The following CCDC88A variants were observed in gnomAD, a reference collection of about 807,000 sequenced individuals.
CCDC88A encodes girdin.
A neutral mutation model predicts 234.3 loss-of-function variants in CCDC88A; 54 were observed. The ratio of observed to expected loss-of-function variants is 0.23; its 90% CI spans 0.19 to 0.29. CCDC88A has a LOEUF of 0.29. Among genes scored for constraint, CCDC88A ranks in the 10% least tolerant of loss-of-function variants. The probability of loss-of-function intolerance (pLI) is 1.00; values close to 1 mark genes in which losing one functional copy is unlikely to be tolerated. For missense variants in CCDC88A, 1,832 were observed against 2,123.4 expected (o/e 0.86, Z 2.70); for synonymous variants, 753 against 737.8 (o/e 1.02, Z -0.33).
At chr2:55,396,845 G>C (rs1382293503) in intron 2 of CCDC88A, among the ~76,000 whole-genome samples, 1 of 140,700 alleles carries the variant, frequency 7.1e-6, no homozygotes, top group Non-Finnish European at 1.5e-5. Flanking sequence ...ACTGCAGCCT[G>C]GGCAACGGAG....
chr2:55,318,074 G>A (rs1683189135), intron 19 of CCDC88A, among the ~76,000 whole-genome samples: 1 of 151,938 alleles, frequency 6.6e-6, no homozygotes, highest in Non-Finnish European at 1.5e-5. Flanking sequence ...ACATATATAT[G>A]TATTGTATGT....
At chr2:55,415,226 GAT>G (rs1262713941) in intron 2 of CCDC88A, among the ~76,000 whole-genome samples, 1 of 152,032 alleles carries the variant, frequency 6.6e-6, no homozygotes, top group African/African-American at 2.4e-5. Context: ...AGGGTGGGAG[GAT>G]GGCCTGACCC....
At chr2:55,377,831 C>T (rs1558773113) in intron 3 of CCDC88A, among the ~76,000 whole-genome samples, 1 of 151,328 alleles carries the variant, frequency 6.6e-6, no homozygotes, top group Non-Finnish European at 1.5e-5. Context: ...TGGTCTCTAA[C>T]TCCTGACATC....
rs1675870893 is a variant in CCDC88A at position 55,387,546 on chromosome 2, C to T, written c.273+1232G>A. ...CCTGTAATCCCAGCACTTTGGGAGGCTGAGGGGGGCAGATCACTTGCGGTC... is the reference window on the plus strand; with the variant it reads ...CCTGTAATCCCAGCACTTTGGGAGGTTGAGGGGGGCAGATCACTTGCGGTC... On this transcript the variant is annotated intron_variant, in intron 3 of 32. Coordinates refer to ENST00000436346, the MANE Select transcript of CCDC88A (RefSeq NM_001365480.1). Among the ~76,000 whole-genome samples, 2 of 151,900 alleles carry T rather than the reference C, an allele frequency of 1.3e-5. 1 individual carries two copies. Among genetic ancestry groups the T allele is most frequent in the South Asian group, 4.2e-4 (2 of 4,812 alleles).
At chr2:55,374,952 C>T (rs1342793983) in intron 3 of CCDC88A, 69 bp from the exon 4 acceptor site, 3 of 945,904 alleles carry the variant, frequency 3.2e-6, no homozygotes, top group East Asian at 4.9e-5. Context: ...CAAGCTATAA[C>T]TTATGATTTG....
chr2:55,326,623 C>T (rs116771967), intron 17 of CCDC88A, among the ~76,000 whole-genome samples: 2,064 of 152,192 alleles, frequency 0.014, 42 homozygotes, highest in African/African-American at 0.046. Context: ...AGTGCAGTGG[C>T]AGGATGTCAG....
Position 55,355,749 on chromosome 2 carries a change from A to C in CCDC88A, c.630T>G (p.Thr210=), listed in dbSNP as rs772724179. ...LIDERDEHSE[T]IIELSEERDG... is the part of the protein sequence containing the mutation. ...CCCGCTCTTCAGAGAGTTCTATGAT[A>C]GTCTAGAAATACACACAGAATCACT... The change falls in exon 8 of 33, where the codon ACT becomes ACG. Residue 210 remains threonine, a splice_region_variant and synonymous_variant. Coordinates refer to ENST00000436346, the MANE Select transcript of CCDC88A (RefSeq NM_001365480.1). 2.7e-5 allele frequency: 43 copies of C among 1,606,448 alleles called. 2 individuals carry two copies. The highest frequency in any genetic ancestry group is 1.7e-4 in the Middle Eastern group (1 of 6,058).
At position 55,332,582 on chromosome 2, in the gene CCDC88A, G is replaced by T. The variant is rs1337283133; in HGVS notation, c.2839C>A (p.Gln947Lys). The T allele has an allele frequency of 9.9e-6, 16 of 1,611,144 alleles. No homozygotes were observed. Among genetic ancestry groups the T allele is most frequent in the Non-Finnish European group, 1.1e-5 (13 of 1,179,128 alleles). The change falls in exon 16 of 33, where the codon CAA becomes AAA. Residue 947 changes from glutamine (Q) to lysine (K), a missense_variant. Transcript: ENST00000436346. The surrounding 1 kb of genome is among the most constrained non-coding windows in gnomAD (Gnocchi z 4.5). ...AGTACTCACCTGTCATCAGTACTTT[G>T]TTCATCATGTAAGAGTCGCTCCTTA... ...LNKERLLHDE[Q>K]STDDSRYKLL...
intron 2 of CCDC88A, chr2:55,397,399 A>T: frequency 6.6e-6 from 1 of 152,102 alleles, no homozygotes; most frequent in Admixed American, 6.5e-5. Context: ...CCAACCTAAG[A>T]AAAATTTAAT....
intron 2 of CCDC88A, among the ~76,000 whole-genome samples, chr2:55,391,849 C>T (rs993605550): frequency 2.0e-5 from 3 of 152,140 alleles, no homozygotes; most frequent in African/African-American, 7.2e-5. Context: ...CTTCTTGTCC[C>T]AATAATGAAT....
intron 8 of CCDC88A, among the ~76,000 whole-genome samples, chr2:55,351,636 A>G (rs1201411609): frequency 1.3e-5 from 2 of 152,228 alleles, no homozygotes; most frequent in African/African-American, 4.8e-5. Flanking sequence ...GTAAGCCACC[A>G]TGCCCTGCCT....
chr2:55,396,463 T>C (rs1445055005), intron 2 of CCDC88A, among the ~76,000 whole-genome samples: 1 of 152,148 alleles, frequency 6.6e-6, no homozygotes, highest in African/African-American at 2.4e-5. Flanking sequence ...TCACCATAAA[T>C]CAGAAAGCCA....
chr2:55,329,234 C>T (rs1402357760), intron 16 of CCDC88A: 1 of 152,038 alleles, frequency 6.6e-6, no homozygotes, highest in African/African-American at 2.4e-5. Flanking sequence ...TTAATAAATA[C>T]TTTTTTCACA....
Position 55,419,241 on chromosome 2 carries a change from C to T in CCDC88A, c.-162G>A, listed in dbSNP as rs574828770. ...GGCACTCTCCCTCCTCAAAAAACACCCCAGAGTGAAACGAGCCGAAATCCC... is the reference window on the plus strand; with the variant it reads ...GGCACTCTCCCTCCTCAAAAAACACTCCAGAGTGAAACGAGCCGAAATCCC... On this transcript the variant is annotated 5_prime_UTR_variant, in exon 1 of 33. Coordinates refer to ENST00000436346, the MANE Select transcript of CCDC88A (RefSeq NM_001365480.1). The T allele has an allele frequency of 6.0e-5, 36 of 597,352 alleles. No individual in the cohort carries two copies. In the African/African-American group the frequency reaches 6.7e-4, roughly 11 times the overall value. 37.0% of individuals were successfully genotyped at this position (597,352 alleles called of 1,614,324 possible).
chr2:55,290,493 T>C lies in CCDC88A; in HGVS notation c.*707A>G, dbSNP rs534488178. 53 of 152,240 alleles carry C rather than the reference T, an allele frequency of 3.5e-4. No homozygotes were observed. The highest frequency in any genetic ancestry group is 1.3e-3 in the African/African-American group (52 of 41,582). The allele number at this position is 152,240 out of a possible 1,614,324, so 9.4% of individuals were successfully genotyped here. A position where few individuals can be genotyped will look rare whatever the true frequency, so the allele number is the denominator to read the frequency against. ...TCTTTACCATGGGTTAACTTATGAA[T>C]GCTTAGTGTTGCTTAATGGGAAATA... is the stretch of plus-strand genomic sequence containing the variant. On this transcript the variant is annotated 3_prime_UTR_variant, in exon 33 of 33. Transcript: ENST00000436346.
At chr2:55,394,954 T>C (rs1677287062) in intron 2 of CCDC88A, among the ~76,000 whole-genome samples, 1 of 152,118 alleles carries the variant, frequency 6.6e-6, no homozygotes, top group African/African-American at 2.4e-5. Context: ...CAAGTGATTC[T>C]CCTGCCTTAG....
chr2:55,384,573 ATATATGTG>A (rs1234621463), intron 3 of CCDC88A, among the ~76,000 whole-genome samples: 5 of 96,026 alleles, frequency 5.2e-5, no homozygotes, highest in Middle Eastern at 5.4e-3. Flanking sequence ...ATATATACGT[ATATATGTG>A]TATATATACA....
At chr2:55,369,491 G>A (rs1297923530) in intron 5 of CCDC88A, among the ~76,000 whole-genome samples, 30 of 128,138 alleles carry the variant, frequency 2.3e-4, no homozygotes, top group African/African-American at 8.4e-4. Context: ...TTGCTCTGTC[G>A]CCCAGGCTAG....
At chr2:55,293,627 A>G (rs1679692382) in intron 31 of CCDC88A, 1 of 152,146 alleles carries the variant, frequency 6.6e-6, no homozygotes, top group Admixed American at 6.5e-5. Context: ...AACAACAACA[A>G]CAAGTATAAC....
Sources: gnomAD v4.1 joint callset for allele counts (sites outside exome capture counted in the v4.1 genomes callset) on GRCh38, gnomAD v4.1.1 for gene constraint, Gnocchi (gnomAD v3.1) non-coding constraint, MANE v1.5 for transcripts, NCBI Gene and HGNC (gene_info 2026-07-23, HGNC 2026-07-21) for gene names.